Variants in TRPC6 observed in about 807,000 individuals in gnomAD.
TRPC6 encodes short transient receptor potential channel 6.
In TRPC6, 55 loss-of-function variants were observed where a neutral mutation model predicts 90.7. The ratio of observed to expected loss-of-function variants is 0.61; its 90% CI spans 0.49 to 0.76. The LOEUF is 0.76. TRPC6 is among the 30% of genes least tolerant of loss of function. TRPC6 has a pLI of 0.00. For synonymous variants in TRPC6, 393 were observed against 393.0 expected, an observed-to-expected ratio of 1.00 and a Z score of 0.00; for missense variants, 989 against 1,122.7, an observed-to-expected ratio of 0.88 and a Z score of 1.70.
rs78333655 is a variant in TRPC6, at chr11:101,530,423, G to A, written c.171-25625C>T. The stretch of plus-strand genomic sequence containing the variant: ...TGTCCAGGAACCTGGCAGGAGATAC[G>A]CCCATCTGTGCCTCCAGAGGCAGGT... On this transcript the variant is annotated intron_variant, in intron 1 of 12. Coordinates refer to ENST00000344327, the MANE Select transcript of TRPC6 (RefSeq NM_004621.6). Among the ~76,000 whole-genome samples the A allele has an allele frequency of 6.5e-3, 982 of 152,080 alleles. 11 individuals are homozygous for A. The highest frequency in any genetic ancestry group is 0.022 in the African/African-American group (932 of 41,476).
intron 4 of TRPC6, among the ~76,000 whole-genome samples, chr11:101,483,535 T>A (rs747611406): frequency 2.6e-5 from 4 of 152,192 alleles, no homozygotes; most frequent in African/African-American, 4.8e-5. Flanking sequence ...AATGAAAATA[T>A]GAAACTGAGT....
At chr11:101,527,789 G>T (rs1215436534) in intron 1 of TRPC6, among the ~76,000 whole-genome samples, 1 of 151,806 alleles carries the variant, frequency 6.6e-6, no homozygotes, top group Non-Finnish European at 1.5e-5. Flanking sequence ...AAATATTTTT[G>T]TCAGCCAGGC....
At chr11:101,485,259 T>G (rs1186254485) in intron 4 of TRPC6, among the ~76,000 whole-genome samples, 1 of 147,398 alleles carries the variant, frequency 6.8e-6, no homozygotes, top group Admixed American at 6.7e-5. Context: ...CCTACTGAAT[T>G]GATTCAAGGA....
At chr11:101,567,066 C>CGG (rs1861850269) in intron 1 of TRPC6, among the ~76,000 whole-genome samples, 5 of 51,186 alleles carry the variant, frequency 9.8e-5, no homozygotes, top group African/African-American at 3.2e-4. Flanking sequence ...TGGCTCGGGG[C>CGG]GGGGTGGGGG....
intron 1 of TRPC6, among the ~76,000 whole-genome samples, chr11:101,529,479 T>C (rs181660235): frequency 6.6e-6 from 1 of 152,312 alleles, no homozygotes; most frequent in Non-Finnish European, 1.5e-5. Context: ...ACTTCGGACA[T>C]ACATAGTACT....
rs750353710 is a variant in TRPC6, at chr11:101,583,468, G to T, written c.36C>A (p.Gly12=). 1 of 1,523,316 alleles carries T rather than the reference G, an allele frequency of 6.6e-7. No individual in the cohort carries two copies. Among genetic ancestry groups the T allele is most frequent in the African/African-American group, 1.4e-5 (1 of 71,208 alleles). 94.4% of individuals were successfully genotyped at this position (1,523,316 alleles called of 1,614,324 possible). The change falls in exon 1 of 13, where the codon GGC becomes GGA. Residue 12 remains glycine (G), a synonymous_variant. Transcript: ENST00000344327. The part of the protein sequence containing the change: ...SQSPAFGPRR[G]SSPRGAAGAA... Reference sequence around the variant, plus strand: ...CTCCGGCAGCGCCCCGGGGAGAACTGCCCCTCCGGGGCCCGAACGCCGGGC... The same window carrying T: ...CTCCGGCAGCGCCCCGGGGAGAACTTCCCCTCCGGGGCCCGAACGCCGGGC...
intron 1 of TRPC6, among the ~76,000 whole-genome samples, chr11:101,572,899 C>G (rs1459978688): frequency 6.6e-6 from 1 of 151,956 alleles, no homozygotes; most frequent in Non-Finnish European, 1.5e-5. Context: ...AGGAGAAATA[C>G]CTAATGTAGA....
intron 7 of TRPC6, among the ~76,000 whole-genome samples, chr11:101,473,127 G>A (rs755494055): frequency 3.3e-5 from 5 of 152,058 alleles, no homozygotes; most frequent in Non-Finnish European, 7.4e-5. Context: ...TAAGCAGGAG[G>A]GTAAGGGAGT....
At position 101,464,184 on chromosome 11, in the gene TRPC6, G is replaced by A. The variant is rs1859082139; in HGVS notation, c.2484+5243C>T. Among the ~76,000 whole-genome samples, 4 of 152,212 alleles carry A rather than the reference G, an allele frequency of 2.6e-5. No individual in the cohort carries two copies. The South Asian group carries it at 8.3e-4, about 32-fold the overall frequency. On this transcript the variant is annotated intron_variant, in intron 10 of 12. Coordinates refer to ENST00000344327, the MANE Select transcript of TRPC6 (RefSeq NM_004621.6). Reference sequence around the variant, plus strand: ...CATTTTTTATGATTTCTGTTCTTTTGCATTTGCTGAGGAGTGTTTTACTTC... The same window carrying A: ...CATTTTTTATGATTTCTGTTCTTTTACATTTGCTGAGGAGTGTTTTACTTC...
In TRPC6 at chr11:101,452,795, A is replaced by AAAAAAATTAGATACTAGGGCTCCAGATG; in HGVS notation, c.*132_*159dup. ...CCCTGAACAATGGAGTTTAATCACCAAAAAAATTAGATACTAGGGCTCCAG... is the reference window on the plus strand; with the variant it reads ...CCCTGAACAATGGAGTTTAATCACCAAAAAAATTAGATACTAGGGCTCCAGATGAAAAAATTAGATACTAGGGCTCCAG... On this transcript the variant is annotated 3_prime_UTR_variant, in exon 13 of 13. Transcript: ENST00000344327. 1 of 772,366 alleles carries AAAAAAATTAGATACTAGGGCTCCAGATG rather than the reference A, an allele frequency of 1.3e-6. No individual in the cohort carries two copies. The highest frequency in any genetic ancestry group is 2.1e-6 in the Non-Finnish European group (1 of 483,156). 47.8% of individuals were successfully genotyped at this position (772,366 alleles called of 1,614,324 possible).
chr11:101,522,590 C>A (rs961313964), intron 1 of TRPC6, among the ~76,000 whole-genome samples: 1 of 152,148 alleles, frequency 6.6e-6, no homozygotes, highest in African/African-American at 2.4e-5. Flanking sequence ...GGTTTACATT[C>A]CCTTCTTTAT....
intron 1 of TRPC6, among the ~76,000 whole-genome samples, chr11:101,514,228 C>T (rs1316049617): frequency 6.6e-6 from 1 of 152,056 alleles, no homozygotes; most frequent in Non-Finnish European, 1.5e-5. Flanking sequence ...GTTCTAGGCA[C>T]TGTGCTAGGC....
chr11:101,454,481 T>C (rs1009643835), intron 11 of TRPC6, among the ~76,000 whole-genome samples: 1 of 151,998 alleles, frequency 6.6e-6, no homozygotes, highest in African/African-American at 2.4e-5. Flanking sequence ...TTTAGTAAAT[T>C]ATATATTTGT....
chr11:101,454,593 G>A (rs1444746712), intron 11 of TRPC6, among the ~76,000 whole-genome samples: 1 of 151,358 alleles, frequency 6.6e-6, no homozygotes, highest in Non-Finnish European at 1.5e-5. Context: ...AGTATTAGCT[G>A]ATTTATATAG....
chr11:101,454,030 G>C (rs989980685), intron 11 of TRPC6, among the ~76,000 whole-genome samples: 1 of 152,304 alleles, frequency 6.6e-6, no homozygotes, highest in Middle Eastern at 3.4e-3. Context: ...GAGTAAGACA[G>C]TCTTTCAGTG....
chr11:101,518,630 A>C (rs1441098045), intron 1 of TRPC6, among the ~76,000 whole-genome samples: 1 of 152,214 alleles, frequency 6.6e-6, no homozygotes, highest in Admixed American at 6.5e-5. Context: ...AATAGTTTGG[A>C]GGTTCCTCAA....
At chr11:101,581,083 C>A (rs897139891) in intron 1 of TRPC6, among the ~76,000 whole-genome samples, 3 of 152,130 alleles carry the variant, frequency 2.0e-5, no homozygotes, top group Non-Finnish European at 4.4e-5. Context: ...AAACCAAACC[C>A]AAATTCTAGA....
At chr11:101,535,532 A>G (rs1225165928) in intron 1 of TRPC6, among the ~76,000 whole-genome samples, 1 of 152,112 alleles carries the variant, frequency 6.6e-6, no homozygotes, top group Non-Finnish European at 1.5e-5. Context: ...CTGAACCTTT[A>G]TGTTCACCTC....
chr11:101,519,624 A>G (rs993686090), intron 1 of TRPC6, among the ~76,000 whole-genome samples: 1 of 152,116 alleles, frequency 6.6e-6, no homozygotes, highest in South Asian at 2.1e-4. Flanking sequence ...AAAAAAAATC[A>G]TGGTGGTGTC....
Sources: allele counts gnomAD v4.1 joint callset (sites outside exome capture counted in the v4.1 genomes callset), GRCh38; gene constraint gnomAD v4.1.1; transcripts MANE v1.5; gene names NCBI Gene and HGNC (gene_info 2026-07-23, HGNC 2026-07-21).